MOSPD1: variants seen among roughly 807,000 people sequenced by gnomAD.
MOSPD1 encodes the protein motile sperm domain containing 1.
In MOSPD1, 5 loss-of-function variants were observed where a neutral mutation model predicts 16.7. The observed-to-expected ratio is 0.30, with a 90% CI of 0.16 to 0.63. MOSPD1 has a LOEUF of 0.63. MOSPD1 is among the 30% of genes least tolerant of loss of function. The pLI, the probability that MOSPD1 is intolerant of heterozygous loss-of-function variation, is 0.82. For synonymous variants in MOSPD1, 67 were observed against 59.2 expected, an observed-to-expected ratio of 1.13 and a Z score of -0.61; for missense variants, 104 against 153.6, an observed-to-expected ratio of 0.68 and a Z score of 1.71.
At chrX:134,911,584 G>A (rs1392196906) in intron 1 of MOSPD1, among the ~76,000 whole-genome samples, 3 of 112,273 alleles carry the variant, frequency 2.7e-5, no homozygotes, top group Admixed American at 9.5e-5. Flanking sequence ...TGGCTTGTAC[G>A]TGAGTCTTCT....
In MOSPD1 at chrX:134,889,079, A is replaced by T. The variant is rs1170308214; in HGVS notation, c.*82T>A. 7 of 651,034 alleles carry T rather than the reference A, an allele frequency of 1.1e-5. No individual in the cohort carries two copies. The highest frequency in any genetic ancestry group is 1.7e-5 in the Non-Finnish European group (7 of 422,870). The allele number at this position is 651,034 out of a possible 1,213,427, so 53.7% of individuals were successfully genotyped here. On this transcript the variant is annotated 3_prime_UTR_variant, in exon 6 of 6. Coordinates refer to ENST00000370783, the MANE Select transcript of MOSPD1 (RefSeq NM_019556.3). ...TCATTCAATAGTTTGTTGCATGTTAATGGAGTGAAATAGAGATAAAAGGCA... is the reference window on the plus strand; with the variant it reads ...TCATTCAATAGTTTGTTGCATGTTATTGGAGTGAAATAGAGATAAAAGGCA...
At chrX:134,913,614 G>A (rs2082984139) in intron 1 of MOSPD1, among the ~76,000 whole-genome samples, 1 of 111,597 alleles carries the variant, frequency 9.0e-6, no homozygotes, top group African/African-American at 3.3e-5. Flanking sequence ...TAAGGAAGAA[G>A]CATGCATTGT....
intron 4 of MOSPD1, among the ~76,000 whole-genome samples, chrX:134,893,790 C>T (rs934281707): frequency 9.0e-6 from 1 of 111,227 alleles, no homozygotes; most frequent in African/African-American, 3.3e-5. Flanking sequence ...TAAATGTCTG[C>T]CTGGCACACT....
Position 134,896,910 on chromosome X carries a change from G to A in MOSPD1, c.355C>T (p.Pro119Ser), listed in dbSNP as rs746980149. The change falls in exon 4 of 6, where the codon CCA becomes TCA. Residue 119 changes from proline (P) to serine (S), a missense_variant. Transcript: ENST00000370783. ...TCCTTTTGTTGTTCTTTTGCTGATG[G>A]GAGAAGAGTAGCAACAACCTCTTTT... ...GRKEVVATLL[P>S]SAKEQQKEEE... The A allele has an allele frequency of 8.3e-7, 1 of 1,208,662 alleles. No homozygotes were observed. Among genetic ancestry groups the A allele is most frequent in the Non-Finnish European group, 1.1e-6 (1 of 892,934 alleles).
At position 134,888,135 on chromosome X, in the gene MOSPD1, T is replaced by C. The variant is rs746766120; in HGVS notation, c.*1026A>G. 8.9e-6 allele frequency: 1 copy of C among 112,220 alleles called. No homozygotes were observed. Among genetic ancestry groups the C allele is most frequent in the East Asian group, 2.8e-4 (1 of 3,589 alleles). 9.2% of individuals were successfully genotyped at this position (112,220 alleles called of 1,213,427 possible). A position where few individuals can be genotyped will look rare whatever the true frequency, so the allele number is the denominator to read the frequency against. On this transcript the variant is annotated 3_prime_UTR_variant, in exon 6 of 6. Transcript: ENST00000370783. ...GTTAAAACTGCATATGTGTTAGAGA[T>C]CAGAAGAGGCTATAAAGAAATGTAA...
intron 1 of MOSPD1, among the ~76,000 whole-genome samples, chrX:134,906,779 G>C (rs2082945652): frequency 8.9e-6 from 1 of 111,874 alleles, no homozygotes; most frequent in Admixed American, 9.6e-5. Flanking sequence ...CACCAAGTCA[G>C]AGTTAGTTGG....
At chrX:134,911,276 TA>T (rs1252189005) in intron 1 of MOSPD1, among the ~76,000 whole-genome samples, 2 of 111,932 alleles carry the variant, frequency 1.8e-5, no homozygotes, top group African/African-American at 6.5e-5. Flanking sequence ...TATAAAAAAT[TA>T]AAAAACTGTT....
At chrX:134,898,823 G>A (rs189785227) in intron 3 of MOSPD1, among the ~76,000 whole-genome samples, 328 of 111,479 alleles carry the variant, frequency 2.9e-3, no homozygotes, top group African/African-American at 0.01. Flanking sequence ...ACCTTTATAA[G>A]CATCCCTGGT....
At position 134,889,691 on chromosome X, in the gene MOSPD1, T is replaced by TTAA. The variant is rs1556355805; in HGVS notation, c.611-500_611-499insTTA. Among the ~76,000 whole-genome samples the TTAA allele has an allele frequency of 1.6e-4, 17 of 107,508 alleles. No individual in the cohort carries two copies. In the East Asian group the frequency reaches 3.8e-3, roughly 24 times the overall value. The allele number at this position is 107,508 out of a possible 115,157, so 93.4% of individuals were successfully genotyped here. A position where few individuals can be genotyped will look rare whatever the true frequency, so the allele number is the denominator to read the frequency against. On this transcript the variant is annotated intron_variant, in intron 5 of 5. Coordinates refer to ENST00000370783, the MANE Select transcript of MOSPD1 (RefSeq NM_019556.3). ...TAAATGAAGGATGATGAAAGTGTGA[T>TTAA]AAAAAAAAAGTACAGAGAAGGAGGA... is the stretch of plus-strand genomic sequence containing the variant.
intron 1 of MOSPD1, among the ~76,000 whole-genome samples, chrX:134,912,477 C>A (rs901995718): frequency 9.1e-6 from 1 of 109,473 alleles, no homozygotes; most frequent in East Asian, 2.9e-4. Context: ...CCACTCCCCA[C>A]CTTTTTTTTC....
chrX:134,903,867 G>A (rs886625133), intron 1 of MOSPD1, among the ~76,000 whole-genome samples: 4 of 110,534 alleles, frequency 3.6e-5, no homozygotes, highest in Non-Finnish European at 7.6e-5. Context: ...GGTGAAACCC[G>A]TCTCTACTAA....
At chrX:134,911,461 T>C (rs2082971086) in intron 1 of MOSPD1, among the ~76,000 whole-genome samples, 1 of 112,013 alleles carries the variant, frequency 8.9e-6, no homozygotes, top group Admixed American at 9.6e-5. Context: ...TGTAATTCTG[T>C]GGAATATACT....
chrX:134,909,388 G>T (rs949053186), intron 1 of MOSPD1, among the ~76,000 whole-genome samples: 11 of 112,005 alleles, frequency 9.8e-5, no homozygotes, highest in Non-Finnish European at 2.1e-4. Flanking sequence ...TGACCCATCT[G>T]CTTGGTCACA....
chrX:134,914,277 T>C (rs2082987389), intron 1 of MOSPD1, among the ~76,000 whole-genome samples: 1 of 112,149 alleles, frequency 8.9e-6, no homozygotes, highest in South Asian at 3.7e-4. Context: ...CAGATTCTAC[T>C]GGGGCAGATC....
chrX:134,890,074 C>CAAAA (rs10691243), intron 5 of MOSPD1, among the ~76,000 whole-genome samples: 4 of 56,991 alleles, frequency 7.0e-5, no homozygotes, highest in African/African-American at 2.0e-4. Flanking sequence ...GACTTTATCT[C>CAAAA]AAAAAAAAAA....
intron 1 of MOSPD1, among the ~76,000 whole-genome samples, chrX:134,903,381 G>A (rs1420470928): frequency 1.9e-5 from 2 of 105,201 alleles, no homozygotes; most frequent in Non-Finnish European, 3.9e-5. Context: ...TAACAGTGAT[G>A]TAAAAACAGA....
chrX:134,906,571 GCAACTGTGC>G (rs1326673943), intron 1 of MOSPD1, among the ~76,000 whole-genome samples: 1 of 110,927 alleles, frequency 9.0e-6, no homozygotes, highest in African/African-American at 3.3e-5. Context: ...AGCAATATTA[GCAACTGTGC>G]CAATGAACAT....
At chrX:134,902,793 C>CA (rs1266453533) in intron 1 of MOSPD1, among the ~76,000 whole-genome samples, 1 of 65,648 alleles carries the variant, frequency 1.5e-5, no homozygotes. Context: ...GATTTTGTCT[C>CA]AAAAAAAGAA....
intron 4 of MOSPD1, among the ~76,000 whole-genome samples, chrX:134,895,208 C>T (rs2148392157): frequency 9.1e-6 from 1 of 110,196 alleles, no homozygotes; most frequent in Non-Finnish European, 1.9e-5. Flanking sequence ...ACCTGTAGTC[C>T]CAGCTACTCG....
Sources: allele counts gnomAD v4.1 joint callset (sites outside exome capture counted in the v4.1 genomes callset), GRCh38; gene constraint gnomAD v4.1.1; transcripts MANE v1.5; gene names NCBI Gene and HGNC (gene_info 2026-07-23, HGNC 2026-07-21).